The following HYDIN variants were observed in gnomAD, a reference collection of about 807,000 sequenced individuals.
The protein encoded by HYDIN is HYDIN axonemal central pair apparatus protein.
Under a neutral mutation model 403.9 loss-of-function variants are expected in HYDIN, and 132 were observed. The observed-to-expected ratio is 0.33, with a 90% CI of 0.28 to 0.38. HYDIN has a LOEUF of 0.38. Ranked by LOEUF, HYDIN falls within the 10% of genes least tolerant of loss-of-function variation. The pLI, the probability that HYDIN is intolerant of heterozygous loss-of-function variation, is 1.00. For missense variants in HYDIN, 2,827 were observed against 5,009.5 expected, an observed-to-expected ratio of 0.56 and a Z score of 13.15; for synonymous variants, 1,202 against 1,891.7, an observed-to-expected ratio of 0.64 and a Z score of 9.46.
At chr16:70,957,328 A>ATTT (rs567388952) in intron 39 of HYDIN, among the ~76,000 whole-genome samples, 7,680 of 137,492 alleles carry the variant, frequency 0.056, 767 homozygotes, top group African/African-American at 0.2. Flanking sequence ...TTTCCTTCCT[A>ATTT]TTTTTTTTTT....
intron 23 of HYDIN, among the ~76,000 whole-genome samples, chr16:70,996,459 C>T (rs555173230): frequency 2.1e-3 from 321 of 152,024 alleles, no homozygotes; most frequent in African/African-American, 7.3e-3. Flanking sequence ...GCTGTGGGGT[C>T]AGAGGGCTTG....
intron 83 of HYDIN, among the ~76,000 whole-genome samples, chr16:70,825,231 T>C (rs2036519954): frequency 6.6e-6 from 1 of 152,236 alleles, no homozygotes; most frequent in Non-Finnish European, 1.5e-5. Context: ...ACCATGATTA[T>C]TAGCTCCTTT....
At chr16:70,871,637 C>T (rs1005447864) in intron 65 of HYDIN, among the ~76,000 whole-genome samples, 1 of 151,484 alleles carries the variant, frequency 6.6e-6, no homozygotes, top group African/African-American at 2.4e-5. Flanking sequence ...TTTTCTAAAT[C>T]TCACTTGTCC....
chr16:71,044,118 T>C (rs1263406265), intron 18 of HYDIN, among the ~76,000 whole-genome samples: 6 of 148,434 alleles, frequency 4.0e-5, no homozygotes, highest in Non-Finnish European at 9.0e-5. Flanking sequence ...CTGCCCTTCC[T>C]TGTGGCTGGT....
At position 70,970,532 on chromosome 16, in the gene HYDIN, G is replaced by C; in HGVS notation, c.5607C>G (p.Leu1869=). 2 of 1,557,608 alleles carry C rather than the reference G, an allele frequency of 1.3e-6. No individual in the cohort carries two copies. The highest frequency in any genetic ancestry group is 1.8e-6 in the Non-Finnish European group (2 of 1,138,682). The part of the protein sequence containing the change: ...FYSLEFDQQY[L]IEEKILRKLK... The stretch of plus-strand genomic sequence containing the variant: ...GACCTCTGCTCACCTTTTCTTCTAT[G>C]AGATACTGCTGATCAAATTCTAAGG... Residue 1869 remains leucine, a synonymous_variant, in exon 36 of 86, where the codon CTC becomes CTG. Transcript: ENST00000393567.
At chr16:70,953,648 C>T (rs2078140620) in intron 40 of HYDIN, among the ~76,000 whole-genome samples, 1 of 152,118 alleles carries the variant, frequency 6.6e-6, no homozygotes, top group Non-Finnish European at 1.5e-5. Flanking sequence ...CTGGGCTTTT[C>T]TGGCTGCTTC....
chr16:70,903,034 G>A (rs1185125230), intron 52 of HYDIN, among the ~76,000 whole-genome samples: 1 of 137,468 alleles, frequency 7.3e-6, no homozygotes, highest in Non-Finnish European at 1.5e-5. Flanking sequence ...ATGACTCACT[G>A]GAGGTAAGAA....
At chr16:71,192,946 T>C (rs2087508314) in intron 1 of HYDIN, among the ~76,000 whole-genome samples, 1 of 152,172 alleles carries the variant, frequency 6.6e-6, no homozygotes. Context: ...TCCTCTCACA[T>C]CCTGATCCCC....
chr16:70,990,022 G>A (rs1289476684), intron 25 of HYDIN, among the ~76,000 whole-genome samples: 1 of 152,160 alleles, frequency 6.6e-6, no homozygotes, highest in Non-Finnish European at 1.5e-5. Flanking sequence ...CTTGATGGAC[G>A]TGTCCCTGCA....
chr16:70,997,036 T>C (rs2079553784), intron 23 of HYDIN, among the ~76,000 whole-genome samples: 1 of 150,980 alleles, frequency 6.6e-6, no homozygotes, highest in African/African-American at 2.4e-5. Flanking sequence ...CAGGGGGTGA[T>C]GGGAGACAGT....
In HYDIN at chr16:71,017,185, CAA is replaced by C. The variant is rs138869000; in HGVS notation, c.3644+942_3644+943del. Among the ~76,000 whole-genome samples the C allele has an allele frequency of 1.3e-3, 161 of 122,956 alleles. 1 individual carries two copies. The highest frequency in any genetic ancestry group is 3.9e-3 in the African/African-American group (133 of 33,718). The allele number at this position is 122,956 out of a possible 152,430, so 80.7% of individuals were successfully genotyped here. ...TGAAACCGCATCTCTACTAAAAATACAAAAAAAAAAAAAAAATTGCCAGGCGT... is the reference window on the plus strand; with the variant it reads ...TGAAACCGCATCTCTACTAAAAATACAAAAAAAAAAAAAATTGCCAGGCGT... On this transcript the variant is annotated intron_variant, in intron 23 of 85. Transcript: ENST00000393567.
rs1028625768 is a variant in HYDIN, at chr16:70,806,062, C to T, written c.*1518G>A. On this transcript the variant is annotated 3_prime_UTR_variant, in exon 86 of 86. Transcript: ENST00000393567. ...GTTAGCAGGTCAACTGTCATGGGATCGCAATGCTTGTGTTCAAGGAAACCT... is the reference window on the plus strand; with the variant it reads ...GTTAGCAGGTCAACTGTCATGGGATTGCAATGCTTGTGTTCAAGGAAACCT... Among the ~76,000 whole-genome samples, 5 of 152,088 alleles carry T rather than the reference C, an allele frequency of 3.3e-5. No homozygotes were observed. The highest frequency in any genetic ancestry group is 2.6e-4 in the Admixed American group (4 of 15,276).
At chr16:71,130,739 C>T (rs951370590) in intron 8 of HYDIN, among the ~76,000 whole-genome samples, 3 of 151,978 alleles carry the variant, frequency 2.0e-5, no homozygotes, top group South Asian at 2.1e-4. Context: ...CCACCCGCCT[C>T]GGCCTCCCAA....
At chr16:70,838,685 G>A (rs2037611446) in intron 76 of HYDIN, among the ~76,000 whole-genome samples, 1 of 152,106 alleles carries the variant, frequency 6.6e-6, no homozygotes, top group South Asian at 2.1e-4. Context: ...GAGTTATGTG[G>A]CCCACTTGGG....
intron 24 of HYDIN, 82 bp downstream of exon 24, chr16:70,991,988 T>C (rs1176217567): frequency 1.4e-5 from 22 of 1,597,386 alleles, no homozygotes; most frequent in Non-Finnish European, 1.7e-6. Flanking sequence ...AATGAACCAA[T>C]GAGGGATGAG....
intron 14 of HYDIN, among the ~76,000 whole-genome samples, chr16:71,068,557 GTGTCT>G (rs1235433226): frequency 1.3e-5 from 2 of 151,112 alleles, no homozygotes; most frequent in Non-Finnish European, 2.9e-5. Context: ...GCAAGACGCT[GTGTCT>G]TTTAAAATCT....
At chr16:70,868,469 T>C in intron 66 of HYDIN, 101 bp downstream of exon 66, 1 of 1,454,748 alleles carries the variant, frequency 6.9e-7, no homozygotes, top group East Asian at 2.5e-5. Flanking sequence ...ATGGGAACCT[T>C]TTCTTTTTAC....
Position 70,802,171 on chromosome 16 carries a change from C to G in HYDIN, c.*5409G>C, listed in dbSNP as rs1339888353. Reference sequence around the variant, plus strand: ...AATGGAGTATTTTCCTCAACAGAAACAGGGACGCAATGAGTAAAGGGCAAA... The same window carrying G: ...AATGGAGTATTTTCCTCAACAGAAAGAGGGACGCAATGAGTAAAGGGCAAA... On this transcript the variant is annotated 3_prime_UTR_variant, in exon 86 of 86. Coordinates refer to ENST00000393567, the MANE Select transcript of HYDIN (RefSeq NM_001270974.2). 1 of 152,156 alleles carries G rather than the reference C, an allele frequency of 6.6e-6. No individual in the cohort carries two copies. The highest frequency in any genetic ancestry group is 2.4e-5 in the African/African-American group (1 of 41,422). 9.4% of individuals were successfully genotyped at this position (152,156 alleles called of 1,614,324 possible).
In HYDIN at chr16:71,069,352, T is replaced by C; in HGVS notation, c.1889A>G (p.Glu630Gly). Residue 630 changes from glutamate to glycine, a missense_variant, in exon 14 of 86, where the codon GAA becomes GGA. Transcript: ENST00000393567. Reference protein sequence around the residue: ...VDYKRPSWTKEEISSMKPKEF... With the variant: ...VDYKRPSWTKGEISSMKPKEF... Reference sequence around the variant, plus strand: ...TTTTGGTTTCATTGAGGATATTTCTTCCTTGGTCCAAGATGGTCTTTTGTA... The same window carrying C: ...TTTTGGTTTCATTGAGGATATTTCTCCCTTGGTCCAAGATGGTCTTTTGTA... The C allele has an allele frequency of 1.2e-6, 2 of 1,614,158 alleles. No individual in the cohort carries two copies. The highest frequency in any genetic ancestry group is 1.1e-5 in the South Asian group (1 of 91,080).
Sources: allele counts gnomAD v4.1 joint callset (sites outside exome capture counted in the v4.1 genomes callset), GRCh38; gene constraint gnomAD v4.1.1; transcripts MANE v1.5; gene names NCBI Gene and HGNC (gene_info 2026-07-23, HGNC 2026-07-21).